The following HEATR4 variants were observed in gnomAD, a reference collection of about 807,000 sequenced individuals.
HEATR4 encodes the protein HEAT repeat-containing protein 4.
In HEATR4, 95 loss-of-function variants were observed where a neutral mutation model predicts 108.8. That is an observed-to-expected ratio of 0.87 (90% CI 0.74 to 1.04). HEATR4 has a LOEUF of 1.04. Ranked by LOEUF, HEATR4 falls within the 50% of genes least tolerant of loss-of-function variation. The pLI is 0.00. For missense variants in HEATR4, 1,152 were observed against 1,253.8 expected (o/e 0.92, Z 1.23); for synonymous variants, 443 against 459.4 (o/e 0.96, Z 0.46).
chr14:73,608,220 G>A, the HEATR4 span, among the ~76,000 whole-genome samples: 411 of 152,298 alleles, frequency 2.7e-3, 1 homozygote, highest in Non-Finnish European at 4.8e-3. Context: ...ACTGTGCCCC[G>A]CCAGGGTTTT....
the HEATR4 span, chr14:73,612,994 G>C: frequency 2.9e-5 from 30 of 1,039,716 alleles, no homozygotes; most frequent in South Asian, 4.0e-4. Context: ...CGGTGCGCGC[G>C]GGCCCGGTGC....
At chr14:73,508,379 C>T (rs1886986537) in intron 8 of HEATR4, 85 bp from the exon 9 acceptor site, 1 of 1,127,226 alleles carries the variant, frequency 8.9e-7, no homozygotes, top group Non-Finnish European at 1.3e-6. Flanking sequence ...CCCAAGGCTG[C>T]TACCCCACCT....
the HEATR4 span, among the ~76,000 whole-genome samples, chr14:73,604,027 C>CG: frequency 1.3e-5 from 2 of 152,054 alleles, no homozygotes; most frequent in African/African-American, 4.8e-5. Context: ...CCACCATGGC[C>CG]GGCAGGTGCT....
upstream of HEATR4, among the ~76,000 whole-genome samples, chr14:73,563,460 T>C (rs1419528476): frequency 6.6e-6 from 1 of 151,632 alleles, no homozygotes; most frequent in African/African-American, 2.4e-5. Flanking sequence ...CTGGGTGTGG[T>C]GGTGCGTGCC....
chr14:73,617,437 T>C, the HEATR4 span, among the ~76,000 whole-genome samples: 3 of 151,944 alleles, frequency 2.0e-5, no homozygotes, highest in African/African-American at 7.3e-5. Context: ...CAACATTTAG[T>C]GAGACCCCTG....
the HEATR4 span, among the ~76,000 whole-genome samples, chr14:73,594,500 T>C: frequency 6.6e-6 from 1 of 152,146 alleles, no homozygotes; most frequent in Non-Finnish European, 1.5e-5. Flanking sequence ...TATAACCAGT[T>C]TCCAAGTTTT....
rs1888736323 is a variant in HEATR4 at position 73,532,495 on chromosome 14, C to T, written c.-151-2251G>A. Among the ~76,000 whole-genome samples, 2 of 115,846 alleles carry T rather than the reference C, an allele frequency of 1.7e-5. 1 individual carries two copies. The highest frequency in any genetic ancestry group is 5.6e-5 in the African/African-American group (2 of 35,536). 76.0% of individuals were successfully genotyped at this position (115,846 alleles called of 152,430 possible). A position where few individuals can be genotyped will look rare whatever the true frequency, so the allele number is the denominator to read the frequency against. ...AGGAAAGATTTCTGGGCCTAAGGCT[C>T]TGTCTCGTTGACCCAGCTCATGCTA... On this transcript the variant is annotated intron_variant, in intron 1 of 17. Coordinates refer to ENST00000553558, the MANE Select transcript of HEATR4 (RefSeq NM_001220484.1).
the HEATR4 span, chr14:73,571,690 T>C: frequency 6.6e-6 from 1 of 151,722 alleles, no homozygotes; most frequent in Non-Finnish European, 1.5e-5. Context: ...GCGTGGGCTG[T>C]GCTCATCGCT....
the HEATR4 span, among the ~76,000 whole-genome samples, chr14:73,614,629 C>T: frequency 2.7e-3 from 416 of 151,972 alleles, 2 homozygotes; most frequent in African/African-American, 9.6e-3. Flanking sequence ...CACATGTAGT[C>T]CCAGCTACTA....
intron 17 of HEATR4, among the ~76,000 whole-genome samples, chr14:73,490,511 C>T (rs951357475): frequency 1.3e-5 from 2 of 152,112 alleles, no homozygotes; most frequent in Admixed American, 6.6e-5. Context: ...TTAGTAGAGA[C>T]GGGGTTTCAC....
At chr14:73,531,193 G>C (rs1888686886) in intron 1 of HEATR4, 1 of 113,234 alleles carries the variant, frequency 8.8e-6, no homozygotes, top group African/African-American at 2.9e-5. Context: ...GAGAAGCAAG[G>C]TTCTGCATCT....
At chr14:73,593,566 C>A in the HEATR4 span, 1 of 712,050 alleles carries the variant, frequency 1.4e-6, no homozygotes, top group Non-Finnish European at 2.3e-6. Flanking sequence ...TGGTCTTGAA[C>A]TCCTGGCCTC....
the HEATR4 span, chr14:73,619,877 C>A: frequency 2.0e-6 from 3 of 1,519,468 alleles, no homozygotes; most frequent in Admixed American, 2.3e-5. Flanking sequence ...AATAAAAATC[C>A]TATTCATACA....
the HEATR4 span, chr14:73,581,098 A>G: frequency 6.6e-6 from 1 of 151,316 alleles, no homozygotes; most frequent in African/African-American, 2.4e-5. Flanking sequence ...TTAACCAGGT[A>G]ATTCCAGGTA....
chr14:73,586,165 G>A, the HEATR4 span, among the ~76,000 whole-genome samples: 1 of 147,234 alleles, frequency 6.8e-6, no homozygotes, highest in Non-Finnish European at 1.5e-5. Flanking sequence ...AGGCCGAGGC[G>A]AGTGGATCAC....
In HEATR4 at chr14:73,500,697, A is replaced by G; in HGVS notation, c.2139T>C (p.Arg713=). The G allele has an allele frequency of 6.2e-7, 1 of 1,614,046 alleles. No individual in the cohort carries two copies. The highest frequency in any genetic ancestry group is 8.5e-7 in the Non-Finnish European group (1 of 1,179,956). Residue 713 remains arginine (R), a synonymous_variant, in exon 12 of 18, where the codon CGT becomes CGC. Coordinates refer to ENST00000553558, the MANE Select transcript of HEATR4 (RefSeq NM_001220484.1). ...VKLGQGNSQE[R]VEALYLIGEL... is the part of the protein sequence containing the mutation. ...CACCTATCAGGTAGAGAGCTTCCAC[A>G]CGCTCCTGGGAATTTCCTTGACCTA...
the HEATR4 span, chr14:73,571,054 TG>T: frequency 6.6e-6 from 1 of 151,466 alleles, no homozygotes; most frequent in Non-Finnish European, 1.5e-5. Context: ...GCCAGGTGGC[TG>T]GGCCTGTGAC....
chr14:73,574,191 CA>C, the HEATR4 span: 1 of 159,640 alleles, frequency 6.3e-6, no homozygotes, highest in African/African-American at 2.4e-5. Flanking sequence ...AGTTTCTATT[CA>C]ATTCTATATT....
At chr14:73,529,029 G>A (rs1252885493) in intron 2 of HEATR4, 1 of 152,090 alleles carries the variant, frequency 6.6e-6, no homozygotes, top group Non-Finnish European at 1.5e-5. Context: ...AGAGTGGCAG[G>A]TCCTGGGTCC....
Sources: gnomAD v4.1 joint callset for allele counts (sites outside exome capture counted in the v4.1 genomes callset) on GRCh38, gnomAD v4.1.1 for gene constraint, MANE v1.5 for transcripts, NCBI Gene and HGNC (gene_info 2026-07-23, HGNC 2026-07-21) for gene names.